The following TJP1 variants were observed in gnomAD, a reference collection of about 807,000 sequenced individuals.
The protein encoded by TJP1 is tight junction protein 1.
Under a neutral mutation model 194.2 loss-of-function variants are expected in TJP1, and 43 were observed. The observed-to-expected ratio is 0.22, with a 90% CI of 0.17 to 0.29. TJP1 has a LOEUF of 0.29. TJP1 is among the 10% of genes least tolerant of loss of function. The pLI, the probability that TJP1 is intolerant of heterozygous loss-of-function variation, is 1.00. For missense variants in TJP1, 1,971 were observed against 2,185.7 expected, an observed-to-expected ratio of 0.90 and a Z score of 1.96; for synonymous variants, 801 against 779.0, an observed-to-expected ratio of 1.03 and a Z score of -0.47.
chr15:29,800,453 G>A, intron 2 of TJP1, 193 bp downstream of exon 2: 1 of 582,066 alleles, frequency 1.7e-6, no homozygotes, highest in Non-Finnish European at 3.0e-6. Flanking sequence ...ATACTCAAAA[G>A]GATATATGAA....
chr15:29,753,223 C>A (rs1359419909), intron 8 of TJP1, among the ~76,000 whole-genome samples: 1 of 151,926 alleles, frequency 6.6e-6, no homozygotes, highest in Non-Finnish European at 1.5e-5. Flanking sequence ...GTGGCTCACG[C>A]CTGTAATCCC....
At chr15:29,789,525 C>A (rs1169106147) in intron 2 of TJP1, among the ~76,000 whole-genome samples, 1 of 152,004 alleles carries the variant, frequency 6.6e-6, no homozygotes, top group Non-Finnish European at 1.5e-5. Flanking sequence ...ATTACTTAGT[C>A]TTTAAGAATG....
intron 2 of TJP1, among the ~76,000 whole-genome samples, chr15:29,866,745 C>T (rs1168785313): frequency 6.6e-6 from 1 of 152,138 alleles, no homozygotes; most frequent in East Asian, 1.9e-4. Context: ...TTCACAACAA[C>T]AAATTAACTG....
At chr15:29,911,122 T>C (rs1169650632) in intron 2 of TJP1, among the ~76,000 whole-genome samples, 1 of 152,224 alleles carries the variant, frequency 6.6e-6, no homozygotes, top group Non-Finnish European at 1.5e-5. Flanking sequence ...TTTACCTGCA[T>C]TGGTATCTCT....
intron 1 of TJP1, chr15:29,968,542 G>A (rs1351227352): frequency 2.5e-6 from 2 of 808,610 alleles, no homozygotes; most frequent in African/African-American, 1.9e-5. Flanking sequence ...CGTCCCGTCG[G>A]GCCCGACAGT....
chr15:29,955,767 A>C, intron 2 of TJP1, among the ~76,000 whole-genome samples: 1 of 148,256 alleles, frequency 6.7e-6, no homozygotes, highest in South Asian at 2.1e-4. Flanking sequence ...AAAAAAAAAA[A>C]AAAAAAAAAA....
chr15:29,754,071 T>C (rs1465948618), intron 8 of TJP1, among the ~76,000 whole-genome samples: 2 of 152,192 alleles, frequency 1.3e-5, no homozygotes, highest in African/African-American at 2.4e-5. Flanking sequence ...TAAAGACATA[T>C]GCAAACAAAT....
intron 10 of TJP1, among the ~76,000 whole-genome samples, chr15:29,737,896 G>C (rs1285408476): frequency 2.0e-5 from 3 of 152,156 alleles, no homozygotes; most frequent in African/African-American, 7.2e-5. Context: ...ACATGTAACA[G>C]AGAGTGATTT....
intron 2 of TJP1, among the ~76,000 whole-genome samples, chr15:29,916,074 G>A (rs1055501984): frequency 3.3e-5 from 5 of 151,778 alleles, no homozygotes; most frequent in East Asian, 1.9e-4. Flanking sequence ...GTGAAACCCC[G>A]CCTCTACAAA....
intron 1 of TJP1, among the ~76,000 whole-genome samples, chr15:29,804,617 T>C (rs894204307): frequency 6.6e-6 from 1 of 152,200 alleles, no homozygotes; most frequent in Non-Finnish European, 1.5e-5. Flanking sequence ...GGGAGCCCTT[T>C]GTACTTTTAA....
chr15:29,951,646 A>G (rs1231441470), intron 2 of TJP1, among the ~76,000 whole-genome samples: 1 of 152,208 alleles, frequency 6.6e-6, no homozygotes, highest in Non-Finnish European at 1.5e-5. Context: ...TCTAATGACA[A>G]AAACTCCTCT....
chr15:29,960,435 C>T (rs1400057429), intron 1 of TJP1, among the ~76,000 whole-genome samples: 1 of 151,870 alleles, frequency 6.6e-6, no homozygotes, highest in East Asian at 1.9e-4. Flanking sequence ...AAGTTTGAGA[C>T]CAGCTTGGGC....
intron 8 of TJP1, among the ~76,000 whole-genome samples, chr15:29,748,789 G>A (rs2045006701): frequency 6.6e-6 from 1 of 151,950 alleles, no homozygotes; most frequent in African/African-American, 2.4e-5. Flanking sequence ...GCCCAGGCGA[G>A]TCTCGAACTT....
intron 2 of TJP1, among the ~76,000 whole-genome samples, chr15:29,863,333 T>C (rs2052168561): frequency 6.6e-6 from 1 of 151,960 alleles, no homozygotes; most frequent in Non-Finnish European, 1.5e-5. Context: ...TTGCTTGCAA[T>C]ATGGACGATG....
intron 2 of TJP1, among the ~76,000 whole-genome samples, chr15:29,949,400 T>A (rs753651436): frequency 0.039 from 3,704 of 95,774 alleles, 123 homozygotes; most frequent in Non-Finnish European, 0.054. Flanking sequence ...CACCACCACC[T>A]CCACAACCAC....
chr15:29,895,509 G>A lies in TJP1; in HGVS notation c.306+60723C>T, dbSNP rs142138796. On this transcript the variant is annotated intron_variant, in intron 2 of 28. Transcript: ENST00000356107. ...TTCTAATAACATGTTCCTCATTTCCGAGACCTCATCAGAATTGCCTTTACA... is the reference window on the plus strand; with the variant it reads ...TTCTAATAACATGTTCCTCATTTCCAAGACCTCATCAGAATTGCCTTTACA... Among the ~76,000 whole-genome samples the A allele has an allele frequency of 1.7e-3, 262 of 152,070 alleles. 4 individuals are homozygous for A. The highest frequency in any genetic ancestry group is 6.2e-3 in the African/African-American group (259 of 41,476).
At chr15:29,926,860 C>T (rs540034401) in intron 2 of TJP1, among the ~76,000 whole-genome samples, 3 of 151,912 alleles carry the variant, frequency 2.0e-5, no homozygotes, top group African/African-American at 7.3e-5. Context: ...ATGACTGACA[C>T]GTTTTGAAAT....
In TJP1 at chr15:29,708,803, C is replaced by T. The variant is rs974575119; in HGVS notation, c.4606G>A (p.Ala1536Thr). The T allele has an allele frequency of 6.2e-7, 1 of 1,614,162 alleles. No homozygotes were observed. The highest frequency in any genetic ancestry group is 1.7e-5 in the Admixed American group (1 of 60,026). The change falls in exon 25 of 28, where the codon GCC (alanine) becomes ACC (threonine). Residue 1536 changes from alanine to threonine, a missense_variant. Ala to Thr is a moderately conservative substitution (Grantham distance 58). This residue lies in a region of TJP1 where 1,108 missense variants were observed against 1,128.5 expected (regional missense o/e 0.98). Transcript: ENST00000614355. ...TCAAACTTGCGTTCAAATGGTCGGG[C>T]AGAACTTGTATATGGTTTTGGTGTG... ...RFTPKPYTSS[A>T]RPFERKFESP...
intron 3 of TJP1, 121 bp from the exon 4 acceptor site, chr15:29,772,287 C>A (rs1439975342): frequency 1.0e-5 from 6 of 595,674 alleles, no homozygotes; most frequent in African/African-American, 5.9e-5. Context: ...TAATTAATTT[C>A]TCTTCAGATC....
Sources: allele counts gnomAD v4.1 joint callset (sites outside exome capture counted in the v4.1 genomes callset), GRCh38; gene constraint gnomAD v4.1.1; regional missense constraint gnomAD v4.1.1; transcripts MANE v1.5; gene names NCBI Gene and HGNC (gene_info 2026-07-23, HGNC 2026-07-21).